The following TTN variants were observed in gnomAD, a reference collection of about 807,000 sequenced individuals.
TTN encodes titin.
In TTN, 1,525 loss-of-function variants were observed where a neutral mutation model predicts 3,223.0. That is an observed-to-expected ratio of 0.47 (90% CI 0.45 to 0.49). TTN has a LOEUF of 0.49. Among genes scored for constraint, TTN ranks in the 20% least tolerant of loss-of-function variants. The pLI is 0.00. For missense variants in TTN, 40,786 were observed against 43,424.0 expected, an observed-to-expected ratio of 0.94 and a Z score of 5.40; for synonymous variants, 14,094 against 15,161.0, an observed-to-expected ratio of 0.93 and a Z score of 5.17.
chr2:178,652,998 T>C (rs138858660), intron 199 of TTN, 43 bp downstream of exon 199: 3 of 1,590,084 alleles, frequency 1.9e-6, no homozygotes, highest in African/African-American at 2.9e-5. Context: ...TTTCAAGAAA[T>C]GAAGAGTTCA....
chr2:178,781,069 C>G, intron 21 of TTN, 52 bp downstream of exon 21: 5 of 1,612,512 alleles, frequency 3.1e-6, no homozygotes, highest in Non-Finnish European at 4.2e-6. Context: ...GCACTGCTAT[C>G]TCCTTGTATT....
chr2:178,630,137 T>A, intron 239 of TTN, 104 bp downstream of exon 239: 1 of 1,506,636 alleles, frequency 6.6e-7, no homozygotes. Flanking sequence ...TTTTGTGTTT[T>A]AATAATATTT....
chr2:178,536,548 G>C lies in TTN; in HGVS notation c.100199C>G (p.Thr33400Ser), dbSNP rs1034663911. 1.3e-6 allele frequency: 2 copies of C among 1,507,900 alleles called. No homozygotes were observed. Among genetic ancestry groups the C allele is most frequent in the Non-Finnish European group, 1.8e-6 (2 of 1,133,184 alleles). The allele number at this position is 1,507,900 out of a possible 1,614,324, so 93.4% of individuals were successfully genotyped here. ...AGAATCTTTTGTGACAGCAGTAATA[G>C]TTGGTTTGCCAGGAGCACCTGGCTT... is the stretch of plus-strand genomic sequence containing the variant. ...FEKPGAPGKP[T>S]ITAVTKDSCV... Residue 33400 changes from threonine (T) to serine (S), a missense_variant, in exon 357 of 363, where the codon ACT becomes AGT. By Grantham distance (58) the Thr-to-Ser change is moderately conservative. Transcript: ENST00000589042.
At chr2:178,537,990 G>T in intron 354 of TTN, 73 bp from the exon 355 acceptor site, 1 of 1,312,602 alleles carries the variant, frequency 7.6e-7, no homozygotes, top group Non-Finnish European at 1.0e-6. Flanking sequence ...TGTATATCAG[G>T]AATGAATTTA....
chr2:178,588,388 GT>G, intron 304 of TTN, 149 bp downstream of exon 304: 2 of 1,151,458 alleles, frequency 1.7e-6, no homozygotes, highest in African/African-American at 3.1e-5. Flanking sequence ...TACCTTTTAG[GT>G]ATTTTGGTAA....
chr2:178,573,548 A>T lies in TTN; in HGVS notation c.72584T>A (p.Phe24195Tyr). 2 of 1,497,738 alleles carry T rather than the reference A, an allele frequency of 1.3e-6. No homozygotes were observed. Among genetic ancestry groups the T allele is most frequent in the Non-Finnish European group, 1.8e-6 (2 of 1,126,260 alleles). 92.8% of individuals were successfully genotyped at this position (1,497,738 alleles called of 1,614,324 possible). A position where few individuals can be genotyped will look rare whatever the true frequency, so the allele number is the denominator to read the frequency against. ...ATATTTATTTACAGCCATGACACGG[A>T]ATATGTATTCATTGCCTTTCAAGAG... ...TKLLKGNEYI[F>Y]RVMAVNKYGV... is the part of the protein sequence containing the mutation. Residue 24195 changes from phenylalanine (F) to tyrosine (Y), a missense_variant, in exon 326 of 363, where the codon TTC (phenylalanine) becomes TAC (tyrosine). Phe to Tyr is a conservative substitution (Grantham distance 22, BLOSUM62 3). Coordinates refer to ENST00000589042, the MANE Select transcript of TTN (RefSeq NM_001267550.2).
In TTN at chr2:178,675,122, A is replaced by G; in HGVS notation, c.34538-9T>C. ...CTTAGGCACCTCAGGAACTTGAGAG[A>G]CATTGATTATTTTAGACACTTAAAA... On this transcript the variant is annotated splice_polypyrimidine_tract_variant and intron_variant, in intron 149 of 362. Transcript: ENST00000589042. 1 of 1,546,182 alleles carries G rather than the reference A, an allele frequency of 6.5e-7. No individual in the cohort carries two copies. Among genetic ancestry groups the G allele is most frequent in the Non-Finnish European group, 8.7e-7 (1 of 1,150,684 alleles).
At position 178,591,899 on chromosome 2, in the gene TTN, AAAG is replaced by A. The variant is rs1338225091; in HGVS notation, c.59927-10_59927-8del. 4.4e-6 allele frequency: 7 copies of A among 1,605,602 alleles called. No homozygotes were observed. The highest frequency in any genetic ancestry group is 4.5e-5 in the East Asian group (2 of 44,646). ...TTGGGTGGCCCTGGGGGATCTTTTC[AAAG>A]AAGAAGTTATGATGAAAAAGTAATA... On this transcript the variant is annotated splice_region_variant and splice_polypyrimidine_tract_variant and intron_variant, in intron 302 of 362. Coordinates refer to ENST00000589042, the MANE Select transcript of TTN (RefSeq NM_001267550.2).
rs778611530 is a variant in TTN, at chr2:178,731,975, C to T, written c.16904-4G>A. 5.6e-6 allele frequency: 9 copies of T among 1,600,506 alleles called. No homozygotes were observed. The highest frequency in any genetic ancestry group is 6.8e-6 in the Non-Finnish European group (8 of 1,171,248). On this transcript the variant is annotated splice_region_variant and splice_polypyrimidine_tract_variant and intron_variant, in intron 57 of 362. Coordinates refer to ENST00000589042, the MANE Select transcript of TTN (RefSeq NM_001267550.2). ...TCCTTGGTAAAATAAGGTGACTCTA[C>T]AGTAAAAAAGGAATGATTTGCATTA...
intron 258 of TTN, 54 bp downstream of exon 258, chr2:178,615,587 A>G: frequency 6.2e-7 from 1 of 1,610,538 alleles, no homozygotes; most frequent in South Asian, 1.1e-5. Context: ...CTCTAGGTCT[A>G]AAAGCAAAAA....
At position 178,579,862 on chromosome 2, in the gene TTN, G is replaced by T. The variant is rs757460062; in HGVS notation, c.67349-14C>A. 2.4e-5 allele frequency: 39 copies of T among 1,612,248 alleles called. No individual in the cohort carries two copies. Among genetic ancestry groups the T allele is most frequent in the Non-Finnish European group, 3.2e-5 (38 of 1,179,310 alleles). The stretch of plus-strand genomic sequence containing the variant: ...GTCCAGGAGTTTCTAAAGCAAAGGA[G>T]AAATGATAAGTGTAAGCCCCATATA... On this transcript the variant is annotated splice_polypyrimidine_tract_variant and intron_variant, in intron 318 of 362. Coordinates refer to ENST00000589042, the MANE Select transcript of TTN (RefSeq NM_001267550.2).
At position 178,609,731 on chromosome 2, in the gene TTN, C is replaced by T. The variant is rs944587802; in HGVS notation, c.51692G>A (p.Ser17231Asn). The T allele has an allele frequency of 2.5e-6, 4 of 1,610,816 alleles. No individual in the cohort carries two copies. Among genetic ancestry groups the T allele is most frequent in the East Asian group, 2.2e-5 (1 of 44,728 alleles). ...RVRAENAAGISEPSRATPPTK... is the reference protein window; with the variant it reads ...RVRAENAAGINEPSRATPPTK... ...TGGAGGAGTAGCCCGAGAAGGTTCA[C>T]TAATACCCGCGGCGTTCTCTGCTCG... The change falls in exon 272 of 363, where the codon AGT becomes AAT. Residue 17231 changes from serine (S) to asparagine (N), a missense_variant. Transcript: ENST00000589042.
rs1392107496 is a variant in TTN, at chr2:178,745,150, G to T, written c.11312-3229C>A. ...GGGTTAAAATTCCAAAAATAACTTA[G>T]AATGGGAGCAGAGAGATTTGCCCTT... On this transcript the variant is annotated intron_variant, in intron 47 of 362. Coordinates refer to ENST00000589042, the MANE Select transcript of TTN (RefSeq NM_001267550.2). The T allele has an allele frequency of 4.0e-6, 4 of 991,588 alleles. No homozygotes were observed. The South Asian group carries it at 1.8e-4, about 46-fold the overall frequency. The allele number at this position is 991,588 out of a possible 1,614,324, so 61.4% of individuals were successfully genotyped here. A position where few individuals can be genotyped will look rare whatever the true frequency, so the allele number is the denominator to read the frequency against.
In TTN at chr2:178,739,738, C is replaced by A. The variant is rs754816206; in HGVS notation, c.13495G>T (p.Ala4499Ser). The A allele has an allele frequency of 1.9e-6, 3 of 1,613,850 alleles. No individual in the cohort carries two copies. Among genetic ancestry groups the A allele is most frequent in the Non-Finnish European group, 1.7e-6 (2 of 1,179,836 alleles). Reference sequence around the variant, plus strand: ...ATTTCTTCTTGCAAACTTGTTTTGGCTCCTTGCTGAATTCTAGGACCCTCA... The same window carrying A: ...ATTTCTTCTTGCAAACTTGTTTTGGATCCTTGCTGAATTCTAGGACCCTCA... The part of the protein sequence containing the change: ...TAEGPRIQQG[A>S]KTSLQEEMDS... Residue 4499 changes from alanine (A) to serine (S), a missense_variant, in exon 48 of 363, where the codon GCC becomes TCC. Transcript: ENST00000589042.
At chr2:178,581,860 AT>A (rs1181776135) in intron 315 of TTN, 45 bp downstream of exon 315, 7 of 1,604,860 alleles carry the variant, frequency 4.4e-6, no homozygotes, top group Non-Finnish European at 5.9e-6. Flanking sequence ...TGGGTGTTTA[AT>A]GCTGCTTTTA....
chr2:178,629,578 G>A lies in TTN; in HGVS notation c.44282-135C>T, dbSNP rs2154219528. 5.3e-6 allele frequency: 7 copies of A among 1,308,542 alleles called. No individual in the cohort carries two copies. The East Asian group carries it at 7.2e-5, about 14-fold the overall frequency. 81.1% of individuals were successfully genotyped at this position (1,308,542 alleles called of 1,614,324 possible). On this transcript the variant is annotated intron_variant, in intron 239 of 362. Coordinates refer to ENST00000589042, the MANE Select transcript of TTN (RefSeq NM_001267550.2). ...GACTGGCCACTATTTTAACTCCCAC[G>A]TGAACGTGGCCCCACGGCGCTGAGA... is the stretch of plus-strand genomic sequence containing the variant.
chr2:178,804,273 T>A (rs1004678520), intron 2 of TTN, among the ~76,000 whole-genome samples: 7 of 152,234 alleles, frequency 4.6e-5, no homozygotes, highest in Non-Finnish European at 8.8e-5. Context: ...AATTTGGTCC[T>A]ATTTAGTTGC....
intron 295 of TTN, among the ~76,000 whole-genome samples, 158 bp downstream of exon 295, chr2:178,595,349 C>A (rs1407486850): frequency 6.6e-6 from 1 of 151,874 alleles, no homozygotes; most frequent in East Asian, 1.9e-4. Context: ...TTCACAATCA[C>A]TGTCCAAATA....
Position 178,570,074 on chromosome 2 carries a change from C to T in TTN, c.76058G>A (p.Arg25353Lys). ...KRDKEGIRWT[R>K]CHKRLIGELR... The stretch of plus-strand genomic sequence containing the variant: ...CTCTCCAATCAGACGCTTATGGCAT[C>T]TTGTCCATCTAATGCCTTCTTTATC... Residue 25353 changes from arginine to lysine, a missense_variant, in exon 326 of 363, where the codon AGA (arginine) becomes AAA (lysine). Transcript: ENST00000589042. 6.2e-7 allele frequency: 1 copy of T among 1,613,418 alleles called. No individual in the cohort carries two copies. The highest frequency in any genetic ancestry group is 1.1e-5 in the South Asian group (1 of 91,066).
Sources: gnomAD v4.1 joint callset for allele counts (sites outside exome capture counted in the v4.1 genomes callset) on GRCh38, gnomAD v4.1.1 for gene constraint, MANE v1.5 for transcripts, NCBI Gene and HGNC (gene_info 2026-07-23, HGNC 2026-07-21) for gene names.